BICD1: variants seen among roughly 807,000 people sequenced by gnomAD.
BICD1 encodes BICD cargo adaptor 1.
BICD1 carries 35 observed loss-of-function variants against 92.5 expected under a neutral mutation model. The ratio of observed to expected loss-of-function variants is 0.38; its 90% CI spans 0.29 to 0.50. BICD1 has a LOEUF of 0.50. Among genes scored for constraint, BICD1 ranks in the 20% least tolerant of loss-of-function variants. The probability of loss-of-function intolerance (pLI) is 0.93; values close to 1 mark genes in which losing one functional copy is unlikely to be tolerated. For synonymous variants in BICD1, 429 were observed against 465.1 expected, an observed-to-expected ratio of 0.92 and a Z score of 1.00; for missense variants, 950 against 1,189.8, an observed-to-expected ratio of 0.80 and a Z score of 2.97.
intron 1 of BICD1, among the ~76,000 whole-genome samples, chr12:32,192,904 G>A (rs1157668117): frequency 6.6e-6 from 1 of 152,214 alleles, no homozygotes; most frequent in East Asian, 1.9e-4. Context: ...GCAATCTGAG[G>A]ATAAAATGTG....
At chr12:32,159,860 G>T (rs916030183) in intron 1 of BICD1, among the ~76,000 whole-genome samples, 1 of 128,758 alleles carries the variant, frequency 7.8e-6, no homozygotes, top group Admixed American at 7.3e-5. Context: ...TGTAGTTTGG[G>T]TTCTCCTTCA....
intron 1 of BICD1, among the ~76,000 whole-genome samples, chr12:32,211,886 A>G (rs905413753): frequency 1.3e-5 from 2 of 152,180 alleles, no homozygotes; most frequent in African/African-American, 2.4e-5. Context: ...AGGCCTTTTA[A>G]TGGATACTGA....
chr12:32,299,795 T>TA (rs1420071347), intron 3 of BICD1, among the ~76,000 whole-genome samples: 1 of 152,098 alleles, frequency 6.6e-6, no homozygotes, highest in Non-Finnish European at 1.5e-5. Context: ...CTGGGTGACA[T>TA]AGCAAGAGAT....
intron 1 of BICD1, among the ~76,000 whole-genome samples, chr12:32,151,403 A>T (rs1451583774): frequency 6.6e-6 from 1 of 152,210 alleles, no homozygotes; most frequent in Non-Finnish European, 1.5e-5. Flanking sequence ...AATTACTTGC[A>T]TGCAATATGA....
intron 1 of BICD1, among the ~76,000 whole-genome samples, chr12:32,160,735 G>A (rs1359148562): frequency 6.6e-6 from 1 of 152,102 alleles, no homozygotes; most frequent in East Asian, 1.9e-4. Flanking sequence ...GTAGTAAGGT[G>A]GGTAGATATT....
In BICD1 at chr12:32,182,090, A is replaced by T. The variant is rs1944286592; in HGVS notation, c.214-34157A>T. 2.0e-5 allele frequency among the ~76,000 whole-genome samples: 3 copies of T among 151,922 alleles called. No individual in the cohort carries two copies. The South Asian group carries it at 6.2e-4, about 32-fold the overall frequency. The stretch of plus-strand genomic sequence containing the variant: ...ACCTGAATTTATTCCATTGCAAATA[A>T]AGCAGAATTTAAAGAATATCAATGT... On this transcript the variant is annotated intron_variant, in intron 1 of 9. Transcript: ENST00000652176.
chr12:32,269,802 A>G (rs1230161711), intron 2 of BICD1, among the ~76,000 whole-genome samples: 1 of 152,098 alleles, frequency 6.6e-6, no homozygotes, highest in Non-Finnish European at 1.5e-5. Context: ...TTGGCCTGGT[A>G]ATATCTCGGG....
chr12:32,196,370 T>C (rs1186871098), intron 1 of BICD1, among the ~76,000 whole-genome samples: 1 of 152,160 alleles, frequency 6.6e-6, no homozygotes, highest in Non-Finnish European at 1.5e-5. Flanking sequence ...AGCCAAGATA[T>C]GGAAACAACC....
rs972933342 is a variant in BICD1 at position 32,172,444 on chromosome 12, C to T, written c.214-43803C>T. ...AACACTTTGATGGTGAAGAAAAAGCCCTCCAGAGAAAAGGTAGTAAGAGAT... is the reference window on the plus strand; with the variant it reads ...AACACTTTGATGGTGAAGAAAAAGCTCTCCAGAGAAAAGGTAGTAAGAGAT... On this transcript the variant is annotated intron_variant, in intron 1 of 9. Transcript: ENST00000652176. Among the ~76,000 whole-genome samples, 9 of 152,156 alleles carry T rather than the reference C, an allele frequency of 5.9e-5. No homozygotes were observed. The South Asian group carries it at 1.9e-3, about 32-fold the overall frequency.
intron 1 of BICD1, among the ~76,000 whole-genome samples, chr12:32,166,413 G>T: frequency 6.6e-6 from 1 of 152,108 alleles, no homozygotes; most frequent in East Asian, 1.9e-4. Flanking sequence ...TGGGATTACA[G>T]GTGTGGGCCA....
chr12:32,206,898 T>G (rs1945072919), intron 1 of BICD1, among the ~76,000 whole-genome samples: 1 of 152,164 alleles, frequency 6.6e-6, no homozygotes, highest in Non-Finnish European at 1.5e-5. Context: ...AAAGTTGAGT[T>G]CCAAAAGCAA....
At chr12:32,366,647 A>T (rs181724590) in intron 8 of BICD1, among the ~76,000 whole-genome samples, 1 of 151,790 alleles carries the variant, frequency 6.6e-6, no homozygotes, top group Non-Finnish European at 1.5e-5. Context: ...ACTCTGTCTC[A>T]AATAAACAAA....
intron 2 of BICD1, 39 bp downstream of exon 2, chr12:32,216,498 G>C (rs199882464): frequency 4.4e-6 from 7 of 1,590,322 alleles, no homozygotes; most frequent in Non-Finnish European, 6.0e-6. Flanking sequence ...TTGTGAGAGG[G>C]AGAAATAAGA....
intron 2 of BICD1, among the ~76,000 whole-genome samples, chr12:32,273,826 A>AG (rs1947205712): frequency 6.6e-6 from 1 of 152,214 alleles, no homozygotes; most frequent in Non-Finnish European, 1.5e-5. Context: ...AAAAGGAAAA[A>AG]GGAAAAAGAA....
At chr12:32,180,612 T>C (rs968962405) in intron 1 of BICD1, among the ~76,000 whole-genome samples, 24 of 151,892 alleles carry the variant, frequency 1.6e-4, no homozygotes, top group African/African-American at 5.8e-4. Flanking sequence ...AGCCTTTTCC[T>C]TTAGTGACTC....
chr12:32,355,975 A>G (rs900458591), intron 8 of BICD1, among the ~76,000 whole-genome samples: 1 of 152,118 alleles, frequency 6.6e-6, no homozygotes, highest in African/African-American at 2.4e-5. Flanking sequence ...GTTGAAATGA[A>G]TTTCTCCTAT....
intron 1 of BICD1, among the ~76,000 whole-genome samples, chr12:32,116,418 C>G (rs1941891253): frequency 6.6e-6 from 1 of 151,674 alleles, no homozygotes; most frequent in Non-Finnish European, 1.5e-5. Flanking sequence ...CTTATTTTAG[C>G]ACTTGTACTA....
chr12:32,128,550 T>C (rs543256396), intron 1 of BICD1, among the ~76,000 whole-genome samples: 1 of 152,324 alleles, frequency 6.6e-6, no homozygotes, highest in African/African-American at 2.4e-5. Context: ...ATTAATTGCT[T>C]TTTATCACTT....
chr12:32,156,638 C>CTTATTA (rs1218005420), intron 1 of BICD1, among the ~76,000 whole-genome samples: 1 of 152,152 alleles, frequency 6.6e-6, no homozygotes, highest in South Asian at 2.1e-4. Flanking sequence ...GCTCCAGGTA[C>CTTATTA]TTATTACTCT....
Sources: allele counts gnomAD v4.1 joint callset (sites outside exome capture counted in the v4.1 genomes callset), GRCh38; gene constraint gnomAD v4.1.1; transcripts MANE v1.5; gene names NCBI Gene and HGNC (gene_info 2026-07-23, HGNC 2026-07-21).